The following ASB8 variants were observed in gnomAD, a reference collection of about 807,000 sequenced individuals.
ASB8 encodes ankyrin repeat and SOCS box protein 8.
In ASB8, 15 loss-of-function variants were observed where a neutral mutation model predicts 22.9. The observed-to-expected ratio is 0.66, with a 90% CI of 0.44 to 1.01. The LOEUF (loss-of-function observed/expected upper bound fraction) is 1.01. Ranked by LOEUF, ASB8 falls within the 50% of genes least tolerant of loss-of-function variation. The pLI is 0.00. For synonymous variants in ASB8, 124 were observed against 140.8 expected (o/e 0.88, Z 0.84); for missense variants, 294 against 356.9 (o/e 0.82, Z 1.42).
chr12:48,157,257 A>T (rs1951321864), intron 1 of ASB8: 1 of 152,222 alleles, frequency 6.6e-6, no homozygotes, highest in Non-Finnish European at 1.5e-5. Context: ...TAGGTCCGGT[A>T]CTGAAAGAGA....
chr12:48,150,037 TGA>T (rs1375685516), intron 3 of ASB8, 39 bp from the exon 4 acceptor site: 1 of 1,586,664 alleles, frequency 6.3e-7, no homozygotes. Context: ...GACAGACTAC[TGA>T]GAGGAAGACA....
At chr12:48,154,397 C>T (rs1018659085) in intron 1 of ASB8, among the ~76,000 whole-genome samples, 53 of 143,282 alleles carry the variant, frequency 3.7e-4, no homozygotes, top group African/African-American at 1.3e-3. Flanking sequence ...AGGAGAATGG[C>T]GTGAACCTGG....
chr12:48,149,500 A>G lies in ASB8; in HGVS notation c.733T>C (p.Ser245Pro). 1 of 1,614,218 alleles carries G rather than the reference A, an allele frequency of 6.2e-7. No homozygotes were observed. The highest frequency in any genetic ancestry group is 8.5e-7 in the Non-Finnish European group (1 of 1,180,034). The part of the protein sequence containing the change: ...QLCEKLTVLC[S>P]APGTLKTLAR... ...AGTGTTTTTAGAGTTCCTGGAGCTGAGCACAGAACAGTCAGTTTTTCACAT... is the reference window on the plus strand; with the variant it reads ...AGTGTTTTTAGAGTTCCTGGAGCTGGGCACAGAACAGTCAGTTTTTCACAT... The change falls in exon 4 of 4, where the codon TCA (serine) becomes CCA (proline). Residue 245 changes from serine (S) to proline (P), a missense_variant. Physicochemically the swap from Ser to Pro is moderately conservative, Grantham distance 74. Coordinates refer to ENST00000317697, the MANE Select transcript of ASB8 (RefSeq NM_024095.5).
rs147534243 is a variant in ASB8 at position 48,148,012 on chromosome 12, C to T, written c.*1354G>A. ...CTAATTTAGAAAAATGAAAGAGTAT[C>T]GTTCACTAAAGCAGATCTCTTTTGG... On this transcript the variant is annotated 3_prime_UTR_variant, in exon 4 of 4. Coordinates refer to ENST00000317697, the MANE Select transcript of ASB8 (RefSeq NM_024095.5). 2.6e-4 allele frequency: 39 copies of T among 152,206 alleles called. No homozygotes were observed. Among genetic ancestry groups the T allele is most frequent in the African/African-American group, 8.2e-4 (34 of 41,526 alleles). The allele number at this position is 152,206 out of a possible 1,614,324, so 9.4% of individuals were successfully genotyped here. A position where few individuals can be genotyped will look rare whatever the true frequency, so the allele number is the denominator to read the frequency against.
intron 1 of ASB8, among the ~76,000 whole-genome samples, chr12:48,154,923 AGAGT>A (rs1231755111): frequency 6.6e-6 from 1 of 152,248 alleles, no homozygotes; most frequent in Non-Finnish European, 1.5e-5. Context: ...TCTTGGCAAC[AGAGT>A]GAGACTCCAT....
chr12:48,156,986 G>GAAAAAAAAAAAAAAAA (rs745913404), intron 1 of ASB8: 1 of 77,368 alleles, frequency 1.3e-5, no homozygotes, highest in African/African-American at 4.7e-5. Flanking sequence ...CTGAGAAGCT[G>GAAAAAAAAAAAAAAAA]AAAAAAAAAA....
In ASB8 at chr12:48,153,409, G is replaced by A. The variant is rs1163167571; in HGVS notation, c.88C>T (p.Arg30Cys). Residue 30 changes from arginine to cysteine, a missense_variant, in exon 2 of 4, where the codon CGT becomes TGT. Coordinates refer to ENST00000317697, the MANE Select transcript of ASB8 (RefSeq NM_024095.5). ...ERLIRTIAAI[R>C]SFPHDNVEDL... ...TCTACATTATCATGTGGGAAGGAAC[G>A]GATGGCAGCAATTGTTCGGATTAAG... 9.9e-6 allele frequency: 16 copies of A among 1,613,762 alleles called. No homozygotes were observed. In the East Asian group the frequency reaches 1.3e-4, roughly 13 times the overall value.
chr12:48,153,622 C>T, intron 1 of ASB8, 93 bp from the exon 2 acceptor site: 1 of 978,964 alleles, frequency 1.0e-6, no homozygotes, highest in Non-Finnish European at 1.5e-6. Context: ...ATGCTAAAAG[C>T]AGATTTCAAG....
In ASB8 at chr12:48,151,209, CT is replaced by C; in HGVS notation, c.225del (p.Gly76GlufsTer4). 3 of 1,610,860 alleles carry C rather than the reference CT, an allele frequency of 1.9e-6. No individual in the cohort carries two copies. The highest frequency in any genetic ancestry group is 1.1e-5 in the South Asian group (1 of 91,022). ...DADCVELLLE[K>X]GAEVNALDGY... Reference sequence around the variant, plus strand: ...TGTGTTAAAAACATTACCTCGGCTCCTTTTTCCAGAAGTAACTCCACACAGT... The same window carrying C: ...TGTGTTAAAAACATTACCTCGGCTCCTTTTCCAGAAGTAACTCCACACAGT... On this transcript the variant is annotated frameshift_variant, in exon 3 of 4. Coordinates refer to ENST00000317697, the MANE Select transcript of ASB8 (RefSeq NM_024095.5). LOFTEE classifies it high-confidence loss of function.
intron 1 of ASB8, among the ~76,000 whole-genome samples, chr12:48,155,215 G>A (rs990551592): frequency 5.3e-5 from 8 of 152,240 alleles, no homozygotes; most frequent in Non-Finnish European, 1.2e-4. Context: ...CACAGTATCA[G>A]CTCTCTAGGT....
At chr12:48,150,819 G>A (rs866837859) in intron 3 of ASB8, 6 of 283,420 alleles carry the variant, frequency 2.1e-5, no homozygotes, top group Middle Eastern at 1.1e-3. Context: ...CAGAGTTGAG[G>A]GATCTCTGCA....
chr12:48,148,465 T>C lies in ASB8; in HGVS notation c.*901A>G, dbSNP rs1951136656. On this transcript the variant is annotated 3_prime_UTR_variant, in exon 4 of 4. Coordinates refer to ENST00000317697, the MANE Select transcript of ASB8 (RefSeq NM_024095.5). ...ACAACCAACAGAAAGAGGCAAAGAC[T>C]GCTGTTTCCTTTGATGAGGGGAAAG... 6.6e-6 allele frequency: 1 copy of C among 151,844 alleles called. No individual in the cohort carries two copies. The highest frequency in any genetic ancestry group is 2.1e-4 in the South Asian group (1 of 4,796). 9.4% of individuals were successfully genotyped at this position (151,844 alleles called of 1,614,324 possible).
intron 3 of ASB8, 87 bp from the exon 4 acceptor site, chr12:48,150,085 A>G: frequency 7.0e-7 from 1 of 1,435,284 alleles, no homozygotes; most frequent in Non-Finnish European, 9.8e-7. Flanking sequence ...GTTACCCACT[A>G]CCTTTGCTAT....
rs775543638 is a variant in ASB8 at position 48,153,445 on chromosome 12, G to A, written c.52C>T (p.Leu18Phe). 4 of 1,613,560 alleles carry A rather than the reference G, an allele frequency of 2.5e-6. No homozygotes were observed. Among genetic ancestry groups the A allele is most frequent in the Non-Finnish European group, 3.4e-6 (4 of 1,179,448 alleles). ...ATTGTTCGGATTAAGCGCTCGGAGA[G>A]AGAGTATTTGCTCTGAATGCTCTGC... Reference protein sequence around the residue: ...IMQSIQSKYSLSERLIRTIAA... With the variant: ...IMQSIQSKYSFSERLIRTIAA... The change falls in exon 2 of 4, where the codon CTC (leucine) becomes TTC (phenylalanine). Residue 18 changes from leucine (L) to phenylalanine (F), a missense_variant. Coordinates refer to ENST00000317697, the MANE Select transcript of ASB8 (RefSeq NM_024095.5).
intron 1 of ASB8, among the ~76,000 whole-genome samples, chr12:48,155,624 G>C (rs1951287851): frequency 6.6e-6 from 1 of 151,198 alleles, no homozygotes; most frequent in Non-Finnish European, 1.5e-5. Context: ...CAGCCACTTG[G>C]GAGGCTGAGG....
At position 48,148,670 on chromosome 12, in the gene ASB8, T is replaced by TTTG. The variant is rs1951141660; in HGVS notation, c.*695_*696insCAA. 2 of 146,940 alleles carry TTTG rather than the reference T, an allele frequency of 1.4e-5. No homozygotes were observed. The highest frequency in any genetic ancestry group is 3.0e-5 in the Non-Finnish European group (2 of 66,580). 9.1% of individuals were successfully genotyped at this position (146,940 alleles called of 1,614,324 possible). A position where few individuals can be genotyped will look rare whatever the true frequency, so the allele number is the denominator to read the frequency against. ...ATCAATTAAAATGGTTTTTTTTTTT[T>TTTG]TTTTTTTTTTTTGAGACAGTTTTGC... On this transcript the variant is annotated 3_prime_UTR_variant, in exon 4 of 4. Transcript: ENST00000317697.
In ASB8 at chr12:48,149,230, T is replaced by C. The variant is rs1279938756; in HGVS notation, c.*136A>G. ...GGAAGGGGAGGTGCTATGGAGGTTA[T>C]TGTTGTGACATGTTGCTTCGAAATC... On this transcript the variant is annotated 3_prime_UTR_variant, in exon 4 of 4. Transcript: ENST00000317697. 8 of 942,934 alleles carry C rather than the reference T, an allele frequency of 8.5e-6. No individual in the cohort carries two copies. The highest frequency in any genetic ancestry group is 5.8e-5 in the Admixed American group (2 of 34,760). The allele number at this position is 942,934 out of a possible 1,614,324, so 58.4% of individuals were successfully genotyped here.
In ASB8 at chr12:48,148,846, T is replaced by G. The variant is rs975416613; in HGVS notation, c.*520A>C. On this transcript the variant is annotated 3_prime_UTR_variant, in exon 4 of 4. Transcript: ENST00000317697. Reference sequence around the variant, plus strand: ...GCCCAGCTAATTTTTGTATTTTTAGTAGAGACGGGGTTTCATCATATTGGT... The same window carrying G: ...GCCCAGCTAATTTTTGTATTTTTAGGAGAGACGGGGTTTCATCATATTGGT... 2 of 156,648 alleles carry G rather than the reference T, an allele frequency of 1.3e-5. No homozygotes were observed. Among genetic ancestry groups the G allele is most frequent in the Non-Finnish European group, 2.8e-5 (2 of 70,858 alleles). 9.7% of individuals were successfully genotyped at this position (156,648 alleles called of 1,614,324 possible). A position where few individuals can be genotyped will look rare whatever the true frequency, so the allele number is the denominator to read the frequency against.
chr12:48,152,203 C>T (rs1951214754), intron 2 of ASB8, among the ~76,000 whole-genome samples: 1 of 151,692 alleles, frequency 6.6e-6, no homozygotes, highest in Non-Finnish European at 1.5e-5. Flanking sequence ...ACCAAAGTCA[C>T]TGAATGACTC....
Sources: allele counts gnomAD v4.1 joint callset (sites outside exome capture counted in the v4.1 genomes callset), GRCh38; gene constraint gnomAD v4.1.1; transcripts MANE v1.5; gene names NCBI Gene and HGNC (gene_info 2026-07-23, HGNC 2026-07-21).